CELSR1: variants seen among roughly 807,000 people sequenced by gnomAD.
CELSR1 encodes the protein adhesion G protein-coupled receptor C1.
CELSR1 carries 110 observed loss-of-function variants against 249.1 expected under a neutral mutation model. The ratio of observed to expected loss-of-function variants is 0.44; its 90% CI spans 0.38 to 0.52. CELSR1 has a LOEUF of 0.52. Among genes scored for constraint, CELSR1 ranks in the 20% least tolerant of loss-of-function variants. CELSR1 has a pLI of 0.00. For synonymous variants in CELSR1, 2,113 were observed against 1,900.0 expected, an observed-to-expected ratio of 1.11 and a Z score of -2.92; for missense variants, 4,109 against 4,296.4, an observed-to-expected ratio of 0.96 and a Z score of 1.22.
intron 27 of CELSR1, among the ~76,000 whole-genome samples, chr22:46,368,860 C>A (rs1049522840): frequency 6.6e-6 from 1 of 152,108 alleles, no homozygotes; most frequent in Admixed American, 6.5e-5. Context: ...ATCTCCCCCA[C>A]CCCACCCATC....
intron 2 of CELSR1, among the ~76,000 whole-genome samples, chr22:46,460,872 G>A (rs1363253296): frequency 6.6e-6 from 1 of 152,168 alleles, no homozygotes; most frequent in Non-Finnish European, 1.5e-5. Flanking sequence ...TCAGGGACAC[G>A]GGAGAGCCAT....
At chr22:46,431,370 A>T (rs2147422736) in intron 5 of CELSR1, among the ~76,000 whole-genome samples, 1 of 152,336 alleles carries the variant, frequency 6.6e-6, no homozygotes, top group South Asian at 2.1e-4. Flanking sequence ...TAGGCAGATG[A>T]TGATTCTGGA....
intron 2 of CELSR1, among the ~76,000 whole-genome samples, chr22:46,461,236 A>C (rs2080023147): frequency 6.6e-6 from 1 of 152,236 alleles, no homozygotes; most frequent in African/African-American, 2.4e-5. Flanking sequence ...TACATATGAT[A>C]ATTTTGGTAC....
chr22:46,372,916 C>T lies in CELSR1; in HGVS notation c.7726G>A (p.Val2576Ile), dbSNP rs139841046. ...ATGGCCGGGATGCCCCAGCCCACGA[C>T]GTAGTAGAACCGCATGGGCCCCGTG... ...IDTGPMRFYYVVGWGIPAIVT... is the reference protein window; with the variant it reads ...IDTGPMRFYYIVGWGIPAIVT... The change falls in exon 25 of 35, where the codon GTC becomes ATC. Residue 2576 changes from valine (V) to isoleucine (I), a missense_variant. Val to Ile is a conservative substitution (Grantham distance 29, BLOSUM62 3). Transcript: ENST00000674500. The T allele has an allele frequency of 6.2e-5, 100 of 1,611,572 alleles. 1 individual carries two copies. The highest frequency in any genetic ancestry group is 1.1e-4 in the East Asian group (5 of 44,790).
rs2078972312 is a variant in CELSR1 at position 46,380,994 on chromosome 22, G to A, written c.7089-39C>T. 4.4e-6 allele frequency: 7 copies of A among 1,598,392 alleles called. No homozygotes were observed. Among genetic ancestry groups the A allele is most frequent in the Non-Finnish European group, 6.0e-6 (7 of 1,168,968 alleles). ...GCCAGAGCATGGGGACAAACACGGT[G>A]AGGAAACATCTGCTTAAATCCCGCG... On this transcript the variant is annotated intron_variant, in intron 21 of 34. Coordinates refer to ENST00000674500, the MANE Select transcript of CELSR1 (RefSeq NM_001378328.1). This position sits in a 1 kb window ranked among gnomAD's most constrained non-coding sequence, Gnocchi z 5.1.
Position 46,437,129 on chromosome 22 carries a change from C to G in CELSR1, c.4407-840G>C, listed in dbSNP as rs2079671879. On this transcript the variant is annotated intron_variant, in intron 3 of 34. Transcript: ENST00000674500. The surrounding 1 kb of genome is among the most constrained non-coding windows in gnomAD (Gnocchi z 4.9). The stretch of plus-strand genomic sequence containing the variant: ...GAACAGACGCCTGAACATGAACAGG[C>G]CTGTCAGAACTTAGAGCACGCTGAG... 6.6e-6 allele frequency among the ~76,000 whole-genome samples: 1 copy of G among 152,192 alleles called. No homozygotes were observed. Among genetic ancestry groups the G allele is most frequent in the Non-Finnish European group, 1.5e-5 (1 of 68,038 alleles).
chr22:46,507,144 C>T (rs975459778), intron 1 of CELSR1, among the ~76,000 whole-genome samples: 3 of 152,140 alleles, frequency 2.0e-5, no homozygotes, highest in Non-Finnish European at 4.4e-5. Context: ...TGAGACCGCA[C>T]CACTGCACTC....
At chr22:46,479,821 C>A (rs2147657147) in intron 1 of CELSR1, among the ~76,000 whole-genome samples, 1 of 152,294 alleles carries the variant, frequency 6.6e-6, no homozygotes, top group Admixed American at 6.5e-5. Flanking sequence ...GCGAAAGCCC[C>A]AGGCAGAAAT....
At position 46,433,176 on chromosome 22, in the gene CELSR1, G is replaced by C. The variant is rs765212935; in HGVS notation, c.4611+217C>G. On this transcript the variant is annotated intron_variant, in intron 5 of 34. Transcript: ENST00000674500. The surrounding 1 kb of genome is among the most constrained non-coding windows in gnomAD (Gnocchi z 5.7). ...TGAGTAGCTGGGATTACAGGCACCC[G>C]CCACCACGCCCGGCTAATTTTTTAA... Among the ~76,000 whole-genome samples, 1 of 151,584 alleles carries C rather than the reference G, an allele frequency of 6.6e-6. No individual in the cohort carries two copies. Among genetic ancestry groups the C allele is most frequent in the South Asian group, 2.1e-4 (1 of 4,784 alleles).
At position 46,430,748 on chromosome 22, in the gene CELSR1, C is replaced by G. The variant is rs907525044; in HGVS notation, c.4611+2645G>C. On this transcript the variant is annotated intron_variant, in intron 5 of 34. Transcript: ENST00000674500. The surrounding 1 kb of genome is among the most constrained non-coding windows in gnomAD (Gnocchi z 4.6). ...TTCCTGACCTCAAGCTGGCCCCCGC[C>G]ACCCCTCCAGGCCCCCACACTGCTC... Among the ~76,000 whole-genome samples, 1 of 152,118 alleles carries G rather than the reference C, an allele frequency of 6.6e-6. No homozygotes were observed. The highest frequency in any genetic ancestry group is 1.5e-5 in the Non-Finnish European group (1 of 68,014).
chr22:46,507,135 G>A (rs2080522834), intron 1 of CELSR1, among the ~76,000 whole-genome samples: 1 of 152,270 alleles, frequency 6.6e-6, no homozygotes, highest in East Asian at 1.9e-4. Flanking sequence ...GCAGTGAGCT[G>A]AGACCGCACC....
intron 2 of CELSR1, among the ~76,000 whole-genome samples, chr22:46,451,094 G>A (rs895746462): frequency 6.6e-6 from 1 of 152,066 alleles, no homozygotes; most frequent in Non-Finnish European, 1.5e-5. Flanking sequence ...CTGTCTGTCA[G>A]CACCCACGTC....
chr22:46,390,447 A>G lies in CELSR1; in HGVS notation c.6290T>C (p.Leu2097Pro), dbSNP rs1198208826. The G allele has an allele frequency of 6.2e-7, 1 of 1,613,986 alleles. No homozygotes were observed. Among genetic ancestry groups the G allele is most frequent in the South Asian group, 1.1e-5 (1 of 91,026 alleles). ...VRHCSGEKGW[L>P]PPELFNCTTI... ...GGTACAGTTAAAGAGCTCTGGGGGC[A>G]GCCAGCCCTTCTCCCCGCTGCAGTG... Residue 2097 changes from leucine (L) to proline (P), a missense_variant, in exon 17 of 35, where the codon CTG becomes CCG. By Grantham distance (98) the Leu-to-Pro change is moderately conservative. Transcript: ENST00000674500. This position sits in a 1 kb window ranked among gnomAD's most constrained non-coding sequence, Gnocchi z 6.3.
At chr22:46,482,580 T>C (rs1311100515) in intron 1 of CELSR1, among the ~76,000 whole-genome samples, 2 of 152,048 alleles carry the variant, frequency 1.3e-5, no homozygotes, top group African/African-American at 2.4e-5. Flanking sequence ...CAGAGTGGGA[T>C]TGCATATGCC....
At chr22:46,481,687 C>T (rs1216476533) in intron 1 of CELSR1, 1 of 595,820 alleles carries the variant, frequency 1.7e-6, no homozygotes, top group African/African-American at 1.9e-5. Context: ...TCTCTCCAGA[C>T]TCTTCACCAT....
rs191456274 is a variant in CELSR1, at chr22:46,521,452, C to G, written c.3544+12175G>C. ...CCCGGGAGGCGGAGCTTGCAGTGAGCCGAGATCGCGCCACTGCACTCCAGC... is the reference window on the plus strand; with the variant it reads ...CCCGGGAGGCGGAGCTTGCAGTGAGGCGAGATCGCGCCACTGCACTCCAGC... On this transcript the variant is annotated intron_variant, in intron 1 of 34. Coordinates refer to ENST00000674500, the MANE Select transcript of CELSR1 (RefSeq NM_001378328.1). Among the ~76,000 whole-genome samples the G allele has an allele frequency of 2.4e-3, 363 of 151,832 alleles. 2 individuals are homozygous for G. Among genetic ancestry groups the G allele is most frequent in the African/African-American group, 8.4e-3 (347 of 41,362 alleles).
At chr22:46,461,361 G>GA (rs1162572561) in intron 2 of CELSR1, among the ~76,000 whole-genome samples, 2 of 152,190 alleles carry the variant, frequency 1.3e-5, no homozygotes, top group Admixed American at 6.5e-5. Context: ...CTCTCCCGAT[G>GA]AAAAGAAAAC....
Position 46,381,431 on chromosome 22 carries a change from C to T in CELSR1, c.7088+415G>A, listed in dbSNP as rs2078976889. 2.0e-5 allele frequency among the ~76,000 whole-genome samples: 3 copies of T among 152,158 alleles called. No homozygotes were observed. The highest frequency in any genetic ancestry group is 7.2e-5 in the African/African-American group (3 of 41,432). On this transcript the variant is annotated intron_variant, in intron 21 of 34. Transcript: ENST00000674500. This position sits in a 1 kb window ranked among gnomAD's most constrained non-coding sequence, Gnocchi z 6.0. ...TGGGCTGCTCCCACCGAGCAGGTTG[C>T]AAAGCTGCTTCTGGGACATTCATCC...
rs2078727583 is a variant in CELSR1, at chr22:46,363,366, G to A, written c.9036-119C>T. ...CCCCATCAGGGTAGAGGGGGCGTCT[G>A]GGGGCTCCAGGGAGGGCAAGCTCAT... On this transcript the variant is annotated intron_variant, in intron 34 of 34. Coordinates refer to ENST00000674500, the MANE Select transcript of CELSR1 (RefSeq NM_001378328.1). This position sits in a 1 kb window ranked among gnomAD's most constrained non-coding sequence, Gnocchi z 4.3. The A allele has an allele frequency of 3.8e-6, 3 of 784,238 alleles. No individual in the cohort carries two copies. In the Admixed American group the frequency reaches 7.3e-5, roughly 19 times the overall value. 48.6% of individuals were successfully genotyped at this position (784,238 alleles called of 1,614,324 possible). A position where few individuals can be genotyped will look rare whatever the true frequency, so the allele number is the denominator to read the frequency against.
Sources: gnomAD v4.1 joint callset for allele counts (sites outside exome capture counted in the v4.1 genomes callset) on GRCh38, gnomAD v4.1.1 for gene constraint, Gnocchi (gnomAD v3.1) non-coding constraint, MANE v1.5 for transcripts, NCBI Gene and HGNC (gene_info 2026-07-23, HGNC 2026-07-21) for gene names.